Variants in TRPS1 observed in about 807,000 individuals in gnomAD.
TRPS1 encodes zinc finger transcription factor Trps1.
In TRPS1, 6 loss-of-function variants were observed where a neutral mutation model predicts 101.2. That is an observed-to-expected ratio of 0.06 (90% CI 0.03 to 0.12). The LOEUF is 0.12. TRPS1 is among the 10% of genes least tolerant of loss of function. The probability of loss-of-function intolerance (pLI) is 1.00; values close to 1 mark genes in which losing one functional copy is unlikely to be tolerated. For synonymous variants in TRPS1, 578 were observed against 589.8 expected (o/e 0.98, Z 0.29); for missense variants, 1,363 against 1,567.0 (o/e 0.87, Z 2.20).
chr8:115,600,564 C>T (rs1027723783), intron 4 of TRPS1, among the ~76,000 whole-genome samples: 2 of 152,108 alleles, frequency 1.3e-5, no homozygotes, highest in African/African-American at 2.4e-5. Context: ...AATGCAACAT[C>T]GACATTGGCA....
intron 3 of TRPS1, among the ~76,000 whole-genome samples, chr8:115,615,091 C>T (rs944523396): frequency 6.6e-6 from 1 of 152,084 alleles, no homozygotes; most frequent in African/African-American, 2.4e-5. Context: ...TAAGACAGTA[C>T]TTGGTAAGTT....
intron 1 of TRPS1, chr8:115,667,905 C>T (rs1395434595): frequency 3.9e-6 from 6 of 1,535,554 alleles, no homozygotes; most frequent in Non-Finnish European, 5.2e-6. Context: ...GTCTGCGCCC[C>T]GCTTGTCACG....
At chr8:115,471,518 T>C (rs545929626) in intron 5 of TRPS1, among the ~76,000 whole-genome samples, 1 of 152,254 alleles carries the variant, frequency 6.6e-6, no homozygotes, top group African/African-American at 2.4e-5. Context: ...GGCAGGGATA[T>C]AGCCATACCA....
intron 5 of TRPS1, among the ~76,000 whole-genome samples, chr8:115,511,640 A>T (rs950269817): frequency 6.6e-6 from 1 of 151,906 alleles, no homozygotes; most frequent in Non-Finnish European, 1.5e-5. Flanking sequence ...CCTGACAAAG[A>T]TCTGACATAT....
chr8:115,555,907 C>G (rs903433449), intron 5 of TRPS1, among the ~76,000 whole-genome samples: 4 of 151,910 alleles, frequency 2.6e-5, no homozygotes, highest in Admixed American at 6.6e-5. Flanking sequence ...CTATGTAGTC[C>G]CAGCTACTCA....
intron 4 of TRPS1, among the ~76,000 whole-genome samples, chr8:115,596,486 T>G (rs1273433834): frequency 2.0e-5 from 3 of 151,862 alleles, no homozygotes; most frequent in Non-Finnish European, 4.4e-5. Flanking sequence ...AATTAAAAAC[T>G]GAAGCGATTA....
intron 5 of TRPS1, among the ~76,000 whole-genome samples, chr8:115,464,166 G>A (rs1180626): frequency 0.74 from 112,687 of 151,844 alleles, 42,240 homozygotes; most frequent in Middle Eastern, 0.86. Flanking sequence ...ATAAAACAGT[G>A]AAAGCCTAGT....
intron 5 of TRPS1, among the ~76,000 whole-genome samples, chr8:115,474,651 AAACT>A (rs1814554701): frequency 6.6e-6 from 1 of 152,086 alleles, no homozygotes; most frequent in African/African-American, 2.4e-5. Flanking sequence ...ATGGTGTTGC[AAACT>A]AACCAGAATT....
chr8:115,433,204 T>C (rs1813365221), intron 5 of TRPS1, among the ~76,000 whole-genome samples: 1 of 151,996 alleles, frequency 6.6e-6, no homozygotes, highest in South Asian at 2.1e-4. Flanking sequence ...AATCACAGAG[T>C]GGATGCCATT....
At chr8:115,647,113 C>T (rs2142332) in intron 1 of TRPS1, among the ~76,000 whole-genome samples, 8,839 of 152,044 alleles carry the variant, frequency 0.058, 372 homozygotes, top group South Asian at 0.12. Context: ...ATTTTCTTTA[C>T]CTAATATTAG....
intron 5 of TRPS1, among the ~76,000 whole-genome samples, chr8:115,428,988 T>C (rs1241989636): frequency 2.0e-5 from 3 of 152,206 alleles, no homozygotes; most frequent in Non-Finnish European, 2.9e-5. Context: ...AATTTCATGA[T>C]AGAGGTACTG....
intron 2 of TRPS1, among the ~76,000 whole-genome samples, chr8:115,623,022 T>A (rs1164717269): frequency 6.6e-6 from 1 of 152,118 alleles, no homozygotes; most frequent in South Asian, 2.1e-4. Flanking sequence ...TGAAGAGATA[T>A]AATGGGTCAT....
chr8:115,653,772 A>C (rs1811618274), intron 1 of TRPS1, among the ~76,000 whole-genome samples: 3 of 152,100 alleles, frequency 2.0e-5, no homozygotes, highest in Non-Finnish European at 4.4e-5. Context: ...TCACCCTGCG[A>C]CTCAAGATGA....
rs560837395 is a variant in TRPS1 at position 115,443,088 on chromosome 8, T to G, written c.2701-24636A>C. Among the ~76,000 whole-genome samples, 84 of 150,188 alleles carry G rather than the reference T, an allele frequency of 5.6e-4. 1 individual carries two copies. The highest frequency in any genetic ancestry group is 1.8e-3 in the African/African-American group (73 of 40,724). On this transcript the variant is annotated intron_variant, in intron 5 of 6. Transcript: ENST00000395715. The stretch of plus-strand genomic sequence containing the variant: ...TCCAGCCTGTGTGACAGAGCGAGAC[T>G]CCATCTCAAAAAAAAAGAAAAAGGA...
chr8:115,595,089 A>G lies in TRPS1; in HGVS notation c.2097-7485T>C, dbSNP rs116676592. On this transcript the variant is annotated intron_variant, in intron 4 of 6. Transcript: ENST00000395715. ...TAAATCATAAATACTAATTGATTAG[A>G]CTTTCAGAGGTTTTTTTTGGTTATT... Among the ~76,000 whole-genome samples, 563 of 152,136 alleles carry G rather than the reference A, an allele frequency of 3.7e-3. 2 individuals carry two copies. Among genetic ancestry groups the G allele is most frequent in the African/African-American group, 0.013 (550 of 41,568 alleles).
intron 1 of TRPS1, among the ~76,000 whole-genome samples, chr8:115,630,652 TTA>T (rs1818618896): frequency 6.6e-6 from 1 of 152,038 alleles, no homozygotes; most frequent in Non-Finnish European, 1.5e-5. Flanking sequence ...CATGTTCTTA[TTA>T]TATGAGCCAG....
intron 5 of TRPS1, among the ~76,000 whole-genome samples, chr8:115,488,668 C>T (rs1199246061): frequency 6.6e-6 from 1 of 151,844 alleles, no homozygotes; most frequent in Non-Finnish European, 1.5e-5. Flanking sequence ...AGTGAGATTC[C>T]GTCAAAAACA....
At chr8:115,666,770 T>C (rs1811930731) in intron 1 of TRPS1, among the ~76,000 whole-genome samples, 1 of 152,240 alleles carries the variant, frequency 6.6e-6, no homozygotes, top group Non-Finnish European at 1.5e-5. Flanking sequence ...CAATCAAGTT[T>C]TAGCCAACAA....
rs1048658063 is a variant in TRPS1, at chr8:115,410,289, TAATAG to T, written c.*3729_*3733del. The T allele has an allele frequency of 3.3e-5, 5 of 152,634 alleles. No individual in the cohort carries two copies. The highest frequency in any genetic ancestry group is 2.0e-4 in the Admixed American group (3 of 15,264). 9.5% of individuals were successfully genotyped at this position (152,634 alleles called of 1,614,324 possible). ...TTGGAGCTGTATTTGCATTGGATCA[TAATAG>T]ATTATGTGCACATGTGCAATTATAA... On this transcript the variant is annotated 3_prime_UTR_variant, in exon 7 of 7. Transcript: ENST00000395715.
Sources: allele counts gnomAD v4.1 joint callset (sites outside exome capture counted in the v4.1 genomes callset), GRCh38; gene constraint gnomAD v4.1.1; transcripts MANE v1.5; gene names NCBI Gene and HGNC (gene_info 2026-07-23, HGNC 2026-07-21).